ECE2: variants seen among roughly 807,000 people sequenced by gnomAD.
The protein encoded by ECE2 is endothelin converting enzyme 2.
In ECE2, 81 loss-of-function variants were observed where a neutral mutation model predicts 100.6. That is an observed-to-expected ratio of 0.81 (90% CI 0.67 to 0.97). The LOEUF (loss-of-function observed/expected upper bound fraction) is 0.97, where lower values mean the gene tolerates loss of function less well. ECE2 is among the 50% of genes least tolerant of loss of function. ECE2 has a pLI of 0.00. For missense variants in ECE2, 911 were observed against 988.1 expected, an observed-to-expected ratio of 0.92 and a Z score of 1.05; for synonymous variants, 391 against 391.5, an observed-to-expected ratio of 1.00 and a Z score of 0.02.
rs1426832817 is a variant in ECE2 at position 184,276,048 on chromosome 3, G to A, written c.-106G>A. 1.7e-6 allele frequency: 2 copies of A among 1,156,736 alleles called. No homozygotes were observed. The highest frequency in any genetic ancestry group is 4.0e-5 in the East Asian group (1 of 24,838). 71.7% of individuals were successfully genotyped at this position (1,156,736 alleles called of 1,614,324 possible). A position where few individuals can be genotyped will look rare whatever the true frequency, so the allele number is the denominator to read the frequency against. On this transcript the variant is annotated 5_prime_UTR_variant, in exon 1 of 19. Coordinates refer to ENST00000404464, the MANE Select transcript of ECE2 (RefSeq NM_001100121.2). ...CGGCCGAGCGGGGGTGCTGCGCGGC[G>A]GCCGTGATGGCTGGTGACGGCGGGG...
At chr3:184,283,561 CAAAAAAAAAAAAAAAAA>C (rs35761542) in intron 7 of ECE2, among the ~76,000 whole-genome samples, 3 of 53,086 alleles carry the variant, frequency 5.7e-5, no homozygotes, top group African/African-American at 7.8e-5. Context: ...GACTCCATCT[CAAAAAAAAAAAAAAAAA>C]AAAAAAAAAA....
At chr3:184,276,696 T>C in intron 2 of ECE2, 129 bp downstream of exon 2, 2 of 1,546,356 alleles carry the variant, frequency 1.3e-6, no homozygotes, top group Non-Finnish European at 1.7e-6. Flanking sequence ...GCCTCTGCTC[T>C]AGGACTATGG....
At chr3:184,281,517 A>C (rs976765260) in intron 7 of ECE2, among the ~76,000 whole-genome samples, 1 of 152,260 alleles carries the variant, frequency 6.6e-6, no homozygotes, top group Non-Finnish European at 1.5e-5. Flanking sequence ...ACAGGCCCAT[A>C]GCCTCACACT....
At chr3:184,282,472 A>C (rs901380259) in intron 7 of ECE2, among the ~76,000 whole-genome samples, 3 of 152,220 alleles carry the variant, frequency 2.0e-5, no homozygotes, top group Non-Finnish European at 4.4e-5. Context: ...GGCACAGAGC[A>C]GTGTTGAGTG....
chr3:184,283,786 T>C lies in ECE2; in HGVS notation c.818T>C (p.Val273Ala), dbSNP rs1361902410. Residue 273 changes from valine (V) to alanine (A), a missense_variant and splice_region_variant, in exon 8 of 19, where the codon GTG becomes GCG. Transcript: ENST00000404464. ...YYLNRTANEK[V>A]LTAYLDYMEE... is the part of the protein sequence containing the mutation. ...TGAGGATCACCCGGGCCTTGACAGG[T>C]GCTCACTGCCTATCTGGATTACATG... The C allele has an allele frequency of 1.9e-6, 3 of 1,613,258 alleles. No homozygotes were observed. Among genetic ancestry groups the C allele is most frequent in the Non-Finnish European group, 2.5e-6 (3 of 1,179,740 alleles).
chr3:184,290,664 C>T lies in ECE2; in HGVS notation c.1763C>T (p.Pro588Leu), dbSNP rs913245434. 3 of 1,613,984 alleles carry T rather than the reference C, an allele frequency of 1.9e-6. No individual in the cohort carries two copies. Among genetic ancestry groups the T allele is most frequent in the Non-Finnish European group, 1.7e-6 (2 of 1,179,948 alleles). ...LQAPFYARNHPKALNFGGIGV... is the reference protein window; with the variant it reads ...LQAPFYARNHLKALNFGGIGV... ...GCCCCCTTCTATGCCCGCAACCACC[C>T]CAAGTGTGTCTGAAGCAGGAGGGGC... Residue 588 changes from proline to leucine, a missense_variant, in exon 15 of 19, where the codon CCC becomes CTC. Pro to Leu is a moderately conservative substitution (Grantham distance 98). Transcript: ENST00000404464.
intron 10 of ECE2, among the ~76,000 whole-genome samples, chr3:184,286,780 A>G (rs951121519): frequency 4.8e-5 from 7 of 144,582 alleles, no homozygotes; most frequent in African/African-American, 5.3e-5. Flanking sequence ...CTGGGCTACA[A>G]GAGCAAAACT....
chr3:184,285,487 C>CAATT lies in ECE2; in HGVS notation c.1160_1163dup (p.Tyr388Ter). On this transcript the variant is annotated frameshift_variant, in exon 10 of 19. Coordinates refer to ENST00000404464, the MANE Select transcript of ECE2 (RefSeq NM_001100121.2). LOFTEE classifies it high-confidence loss of function. ...CTGGTCTGGTTGTCAGCATCCTGAA[C>CAATT]AATTACCTGATCTGGAACCTGGTGC... is the stretch of plus-strand genomic sequence containing the variant. 6.2e-7 allele frequency: 1 copy of CAATT among 1,613,956 alleles called. No homozygotes were observed. Among genetic ancestry groups the CAATT allele is most frequent in the Non-Finnish European group, 8.5e-7 (1 of 1,179,840 alleles).
intron 8 of ECE2, 36 bp downstream of exon 8, chr3:184,284,009 G>A: frequency 6.2e-7 from 1 of 1,607,918 alleles, no homozygotes; most frequent in African/African-American, 1.3e-5. Context: ...AACTGAGAGG[G>A]GCCAGCCTTG....
intron 14 of ECE2, 71 bp downstream of exon 14, chr3:184,290,429 G>A: frequency 2.5e-6 from 4 of 1,571,370 alleles, no homozygotes; most frequent in East Asian, 2.2e-5. Flanking sequence ...TGGGATGGGG[G>A]AAAAGGGTGG....
At position 184,290,819 on chromosome 3, in the gene ECE2, T is replaced by G; in HGVS notation, c.1793T>G (p.Val598Gly). 1 of 1,614,148 alleles carries G rather than the reference T, an allele frequency of 6.2e-7. No individual in the cohort carries two copies. The highest frequency in any genetic ancestry group is 8.5e-7 in the Non-Finnish European group (1 of 1,180,028). Residue 598 changes from valine to glycine, a missense_variant, in exon 16 of 19, where the codon GTG becomes GGG. Coordinates refer to ENST00000404464, the MANE Select transcript of ECE2 (RefSeq NM_001100121.2). ...PKALNFGGIG[V>G]VMGHELTHAF... ...GCCCTGAACTTCGGTGGCATCGGTG[T>G]GGTCATGGGCCATGAGTTGACGCAT...
intron 7 of ECE2, among the ~76,000 whole-genome samples, chr3:184,279,571 C>T (rs1166717667): frequency 6.7e-6 from 1 of 150,238 alleles, no homozygotes. Context: ...CAAAGAGAAT[C>T]GCTTGAATCC....
At chr3:184,284,676 G>A (rs536109174) in intron 8 of ECE2, among the ~76,000 whole-genome samples, 2 of 152,284 alleles carry the variant, frequency 1.3e-5, no homozygotes, top group South Asian at 2.1e-4. Context: ...AAGCCAGTAC[G>A]TGCAGGGTGT....
Position 184,278,192 on chromosome 3 carries a change from C to A in ECE2, c.629C>A (p.Pro210His). ...ATTGGTGGTTGGAACATTACGGGGC[C>A]CTGGGACCAGGACAACTTTATGGAG... is the stretch of plus-strand genomic sequence containing the variant. ...EKIGGWNITG[P>H]WDQDNFMEVL... The change falls in exon 6 of 19, where the codon CCC becomes CAC. Residue 210 changes from proline (P) to histidine (H), a missense_variant. Physicochemically the swap from Pro to His is moderately conservative, Grantham distance 77. Coordinates refer to ENST00000404464, the MANE Select transcript of ECE2 (RefSeq NM_001100121.2). 6.2e-7 allele frequency: 1 copy of A among 1,614,150 alleles called. No homozygotes were observed.
chr3:184,280,568 A>G (rs577644963), intron 7 of ECE2, among the ~76,000 whole-genome samples: 69 of 152,308 alleles, frequency 4.5e-4, no homozygotes, highest in African/African-American at 1.6e-3. Flanking sequence ...AAACCTAACC[A>G]GGCCAGGCAG....
intron 10 of ECE2, among the ~76,000 whole-genome samples, chr3:184,287,060 A>T (rs1405647431): frequency 2.7e-5 from 4 of 150,250 alleles, no homozygotes; most frequent in Non-Finnish European, 5.9e-5. Flanking sequence ...GATCACTTGA[A>T]GTAAGGAGTT....
At chr3:184,278,620 C>T in intron 7 of ECE2, 63 bp downstream of exon 7, 2 of 1,582,338 alleles carry the variant, frequency 1.3e-6, no homozygotes, top group Middle Eastern at 3.3e-4. Flanking sequence ...TCCCTGTTGA[C>T]TTTTCCCTTT....
Position 184,283,844 on chromosome 3 carries a change from C to T in ECE2, c.876C>T (p.Pro292=). The change falls in exon 8 of 19, where the codon CCC becomes CCT. Residue 292 remains proline (P), a synonymous_variant. Coordinates refer to ENST00000404464, the MANE Select transcript of ECE2 (RefSeq NM_001100121.2). ...TGGGGATGCTGCTGGGTGGGCGGCC[C>T]ACCTCCACGAGGGAGCAGATGCAGC... The part of the protein sequence containing the change: ...EELGMLLGGR[P]TSTREQMQQV... The T allele has an allele frequency of 6.2e-7, 1 of 1,613,838 alleles. No individual in the cohort carries two copies. The highest frequency in any genetic ancestry group is 8.5e-7 in the Non-Finnish European group (1 of 1,179,970).
In ECE2 at chr3:184,291,980, GC is replaced by G. The variant is rs1721346326; in HGVS notation, c.2122-78del. On this transcript the variant is annotated intron_variant, in intron 18 of 18. Transcript: ENST00000404464. This position sits in a 1 kb window ranked among gnomAD's most constrained non-coding sequence, Gnocchi z 4.1. Reference sequence around the variant, plus strand: ...AGGGGCTGCAGCGGTGGTGGTTTGTGCCCCTGGGATGGCTGTAGCTGACTCT... The same window carrying G: ...AGGGGCTGCAGCGGTGGTGGTTTGTGCCCTGGGATGGCTGTAGCTGACTCT... The G allele has an allele frequency of 1.1e-5, 17 of 1,489,660 alleles. No homozygotes were observed. The South Asian group carries it at 1.8e-4, about 16-fold the overall frequency. The allele number at this position is 1,489,660 out of a possible 1,614,324, so 92.3% of individuals were successfully genotyped here. A position where few individuals can be genotyped will look rare whatever the true frequency, so the allele number is the denominator to read the frequency against.
Sources: allele counts gnomAD v4.1 joint callset (sites outside exome capture counted in the v4.1 genomes callset), GRCh38; gene constraint gnomAD v4.1.1; non-coding constraint Gnocchi (gnomAD v3.1); transcripts MANE v1.5; gene names NCBI Gene and HGNC (gene_info 2026-07-23, HGNC 2026-07-21).